The following CFAP91 variants were observed in gnomAD, a reference collection of about 807,000 sequenced individuals.
CFAP91 encodes cilia- and flagella-associated protein 91.
In CFAP91, 85 loss-of-function variants were observed where a neutral mutation model predicts 95.9. The ratio of observed to expected loss-of-function variants is 0.89; its 90% CI spans 0.74 to 1.06. The LOEUF (loss-of-function observed/expected upper bound fraction) is 1.06, where lower values mean the gene tolerates loss of function less well. CFAP91 is among the 50% of genes least tolerant of loss of function. The probability of loss-of-function intolerance (pLI) is 0.00; values close to 1 mark genes in which losing one functional copy is unlikely to be tolerated. For missense variants in CFAP91, 962 were observed against 943.4 expected (o/e 1.02, Z -0.26); for synonymous variants, 335 against 327.5 (o/e 1.02, Z -0.25).
chr3:119,745,869 A>T (rs1463160132), intron 14 of CFAP91, among the ~76,000 whole-genome samples: 9 of 152,246 alleles, frequency 5.9e-5, no homozygotes, highest in African/African-American at 1.9e-4. Flanking sequence ...ACATAGGTGT[A>T]CAGTATCATA....
chr3:119,747,564 T>A (rs1463007294), intron 15 of CFAP91: 12 of 564,336 alleles, frequency 2.1e-5, no homozygotes, highest in Non-Finnish European at 3.7e-5. Flanking sequence ...GGTTGCTGGC[T>A]TCTATGTATA....
intron 1 of CFAP91, 92 bp downstream of exon 1, chr3:119,703,314 C>A: frequency 6.5e-7 from 1 of 1,547,738 alleles, no homozygotes; most frequent in Non-Finnish European, 8.7e-7. Flanking sequence ...GCATGGCGAA[C>A]GAAACACGAC....
At position 119,732,274 on chromosome 3, in the gene CFAP91, G is replaced by A; in HGVS notation, c.1019-20G>A. 3 of 1,568,306 alleles carry A rather than the reference G, an allele frequency of 1.9e-6. No homozygotes were observed. Among genetic ancestry groups the A allele is most frequent in the Admixed American group, 1.8e-5 (1 of 56,354 alleles). ...AGAACAATATTTTAGAGATAGTCAT[G>A]GAGGTATGTTTTATTTCAGCAATCA... On this transcript the variant is annotated intron_variant, in intron 8 of 17. Coordinates refer to ENST00000273390, the MANE Select transcript of CFAP91 (RefSeq NM_033364.4).
chr3:119,755,783 A>G (rs780551281), intron 17 of CFAP91, among the ~76,000 whole-genome samples: 70 of 152,262 alleles, frequency 4.6e-4, no homozygotes, highest in Non-Finnish European at 9.1e-4. Context: ...TAAAAATGAT[A>G]TAGCAGATTT....
At chr3:119,734,647 A>G (rs562685934) in intron 10 of CFAP91, among the ~76,000 whole-genome samples, 1 of 152,224 alleles carries the variant, frequency 6.6e-6, no homozygotes, top group Non-Finnish European at 1.5e-5. Flanking sequence ...CATACAGCTT[A>G]TTTTCAATAC....
intron 6 of CFAP91, among the ~76,000 whole-genome samples, chr3:119,722,530 C>T (rs1369106844): frequency 1.3e-5 from 2 of 152,018 alleles, no homozygotes; most frequent in African/African-American, 2.4e-5. Flanking sequence ...ACTCTGTTGC[C>T]CAGGCTGAAG....
rs371753262 is a variant in CFAP91 at position 119,716,457 on chromosome 3, CT to C, written c.682+717del. On this transcript the variant is annotated intron_variant, in intron 6 of 17. Transcript: ENST00000273390. ...TGGTAATGATTTTTAAATGAGATTA[CT>C]TTCCCCCGCATTGTAACAGATAGCT... Among the ~76,000 whole-genome samples the C allele has an allele frequency of 1.2e-3, 179 of 152,348 alleles. 4 individuals carry two copies. The East Asian group carries it at 0.028, about 24-fold the overall frequency.
chr3:119,711,937 A>C (rs2053479736), intron 5 of CFAP91, among the ~76,000 whole-genome samples: 1 of 152,248 alleles, frequency 6.6e-6, no homozygotes, highest in South Asian at 2.1e-4. Context: ...AAAATCTAGA[A>C]GACTGTAGGT....
At chr3:119,747,665 C>A in intron 15 of CFAP91, 146 bp from the exon 16 acceptor site, 10 of 702,848 alleles carry the variant, frequency 1.4e-5, no homozygotes, top group Non-Finnish European at 2.3e-5. Flanking sequence ...AACAAACTTG[C>A]CAGGAATGTG....
intron 13 of CFAP91, among the ~76,000 whole-genome samples, chr3:119,741,342 A>G (rs1253756859): frequency 1.3e-5 from 2 of 152,238 alleles, no homozygotes; most frequent in Non-Finnish European, 1.5e-5. Flanking sequence ...TGAATAAATA[A>G]CAAAAGCAAC....
Position 119,747,252 on chromosome 3 carries a change from A to T in CFAP91, c.2040A>T (p.Glu680Asp), listed in dbSNP as rs2054238937. ...AGAAAATCAATGACATTGCTTATGA[A>T]ATGGAAAGCCGGTGTGTATCAAGAG... The part of the protein sequence containing the change: ...MAEKINDIAY[E>D]MESRRTYLQS... Residue 680 changes from glutamate to aspartate, a missense_variant, in exon 15 of 18, where the codon GAA becomes GAT. Transcript: ENST00000273390. 4 of 1,613,160 alleles carry T rather than the reference A, an allele frequency of 2.5e-6. No individual in the cohort carries two copies. The highest frequency in any genetic ancestry group is 3.4e-6 in the Non-Finnish European group (4 of 1,179,572).
intron 1 of CFAP91, among the ~76,000 whole-genome samples, chr3:119,705,738 C>G (rs771133329): frequency 1.2e-4 from 18 of 152,142 alleles, no homozygotes; most frequent in Non-Finnish European, 2.4e-4. Context: ...TTTGTTGTCT[C>G]TCTCTCATGA....
At position 119,740,594 on chromosome 3, in the gene CFAP91, C is replaced by T. The variant is rs763924717; in HGVS notation, c.1579C>T (p.Arg527Cys). The T allele has an allele frequency of 1.5e-5, 25 of 1,614,020 alleles. No individual in the cohort carries two copies. Among genetic ancestry groups the T allele is most frequent in the Middle Eastern group, 1.6e-4 (1 of 6,084 alleles). Residue 527 changes from arginine (R) to cysteine (C), a missense_variant, in exon 13 of 18, where the codon CGC becomes TGC. Coordinates refer to ENST00000273390, the MANE Select transcript of CFAP91 (RefSeq NM_033364.4). ...GCGACTGGAGTTGATCCAGGAGTTG[C>T]GCACCTGCCACGCACTACAAGAAGA... Reference protein sequence around the residue: ...EKRLELIQELRTCHALQEDEK... With the variant: ...EKRLELIQELCTCHALQEDEK...
chr3:119,726,222 G>C lies in CFAP91; in HGVS notation c.734G>C (p.Arg245Pro). ...GAGGTGGAGATGATAGAAAGAGCCC[G>C]CGAGAAGCGTGCTTGGGAAGCCTCT... ...QAEVEMIERA[R>P]EKRAWEASLP... The change falls in exon 7 of 18, where the codon CGC (arginine) becomes CCC (proline). Residue 245 changes from arginine (R) to proline (P), a missense_variant. Coordinates refer to ENST00000273390, the MANE Select transcript of CFAP91 (RefSeq NM_033364.4). The C allele has an allele frequency of 6.2e-7, 1 of 1,613,584 alleles. No individual in the cohort carries two copies. Among genetic ancestry groups the C allele is most frequent in the South Asian group, 1.1e-5 (1 of 91,000 alleles).
chr3:119,703,415 G>C, intron 1 of CFAP91, 193 bp downstream of exon 1: 1 of 787,886 alleles, frequency 1.3e-6, no homozygotes, highest in Non-Finnish European at 2.0e-6. Flanking sequence ...TTGGGGTCGG[G>C]GGTTCGGGTA....
intron 1 of CFAP91, among the ~76,000 whole-genome samples, chr3:119,703,590 T>G (rs1159304789): frequency 6.6e-6 from 1 of 152,348 alleles, no homozygotes; most frequent in East Asian, 1.9e-4. Context: ...TCCAACTCTC[T>G]GGGCAAATCC....
rs149879456 is a variant in CFAP91, at chr3:119,747,102, T to C, written c.1903-13T>C. The C allele has an allele frequency of 1.0e-4, 160 of 1,551,602 alleles. 1 individual carries two copies. The highest frequency in any genetic ancestry group is 3.4e-4 in the Middle Eastern group (2 of 5,810). ...CATACCTGTTTTAGTGAGGGTATTA[T>C]TGTTTTTTGCAGGTGGTTAAAGTTC... On this transcript the variant is annotated splice_polypyrimidine_tract_variant and intron_variant, in intron 14 of 17. Coordinates refer to ENST00000273390, the MANE Select transcript of CFAP91 (RefSeq NM_033364.4).
intron 17 of CFAP91, among the ~76,000 whole-genome samples, chr3:119,754,280 A>G (rs559955410): frequency 6.6e-6 from 1 of 152,342 alleles, no homozygotes; most frequent in East Asian, 1.9e-4. Context: ...ATGAAATTGG[A>G]TATTTAGCTG....
At chr3:119,742,570 G>A (rs2054142459) in intron 13 of CFAP91, among the ~76,000 whole-genome samples, 1 of 152,246 alleles carries the variant, frequency 6.6e-6, no homozygotes, top group African/African-American at 2.4e-5. Context: ...CTGACCCTGA[G>A]TGAGGGAGCT....
Sources: allele counts gnomAD v4.1 joint callset (sites outside exome capture counted in the v4.1 genomes callset), GRCh38; gene constraint gnomAD v4.1.1; transcripts MANE v1.5; gene names NCBI Gene and HGNC (gene_info 2026-07-23, HGNC 2026-07-21).